PSEN2: variants seen among roughly 807,000 people sequenced by gnomAD.
PSEN2 encodes the protein presenilin-2.
A neutral mutation model predicts 49.1 loss-of-function variants in PSEN2; 32 were observed. That is an observed-to-expected ratio of 0.65 (90% confidence interval 0.49 to 0.88). PSEN2 has a LOEUF of 0.88. PSEN2 is among the 40% of genes least tolerant of loss of function. PSEN2 has a pLI of 0.00. For synonymous variants in PSEN2, 255 were observed against 244.0 expected (o/e 1.05, Z -0.42); for missense variants, 522 against 586.9 (o/e 0.89, Z 1.14).
chr1:226,902,196 C>T (rs1662340149), intron 12 of PSEN2, among the ~76,000 whole-genome samples: 4 of 152,138 alleles, frequency 2.6e-5, no homozygotes, highest in Admixed American at 2.6e-4. Context: ...CCACTTAGAT[C>T]CTTGGCGTGC....
chr1:226,884,745 C>G (rs1571953334), intron 5 of PSEN2: 1 of 151,776 alleles, frequency 6.6e-6, no homozygotes, highest in Non-Finnish European at 1.5e-5. Context: ...GAGACCCTGT[C>G]TGTACAAAAA....
chr1:226,871,520 A>G (rs997264080), intron 2 of PSEN2, 116 bp downstream of exon 2: 3 of 152,224 alleles, frequency 2.0e-5, no homozygotes, highest in Non-Finnish European at 2.9e-5. Flanking sequence ...TCCCTTTGAA[A>G]GGTATGAACG....
chr1:226,887,886 A>G (rs1010831753), intron 6 of PSEN2, among the ~76,000 whole-genome samples: 1 of 152,144 alleles, frequency 6.6e-6, no homozygotes, highest in Non-Finnish European at 1.5e-5. Flanking sequence ...TCCTGTCTGC[A>G]TGCGCTGCAG....
intron 11 of PSEN2, among the ~76,000 whole-genome samples, chr1:226,892,864 T>C (rs1481524069): frequency 6.6e-6 from 1 of 152,148 alleles, no homozygotes; most frequent in East Asian, 1.9e-4. Context: ...CCCCCTTAGG[T>C]TCAATAACTT....
At position 226,891,396 on chromosome 1, in the gene PSEN2, C is replaced by G. The variant is rs199833363; in HGVS notation, c.970+35C>G. 3 of 1,563,318 alleles carry G rather than the reference C, an allele frequency of 1.9e-6. No homozygotes were observed. In the African/African-American group the frequency reaches 4.1e-5, roughly 21 times the overall value. ...TTGGGGAGCTAACAGCCTCTCATCA[C>G]TGGGGGGCAGCTCCCTACCTGCACC... On this transcript the variant is annotated intron_variant, in intron 10 of 12. Transcript: ENST00000366783.
chr1:226,891,943 G>T lies in PSEN2; in HGVS notation c.1072+99G>T. The T allele has an allele frequency of 5.3e-6, 6 of 1,124,544 alleles. No individual in the cohort carries two copies. The South Asian group carries it at 7.5e-5, about 14-fold the overall frequency. 69.7% of individuals were successfully genotyped at this position (1,124,544 alleles called of 1,614,324 possible). The stretch of plus-strand genomic sequence containing the variant: ...AGCCTGGGTGGAGGAGGGCATGAGG[G>T]GAGGGGCCCCTTTTCCCATCAGAGG... On this transcript the variant is annotated intron_variant, in intron 11 of 12. Transcript: ENST00000366783.
intron 3 of PSEN2, among the ~76,000 whole-genome samples, chr1:226,878,755 C>G (rs1239129463): frequency 6.6e-6 from 1 of 152,142 alleles, no homozygotes; most frequent in African/African-American, 2.4e-5. Flanking sequence ...CATTCACACC[C>G]AAAACAAAAC....
At chr1:226,900,054 A>G (rs141201997), downstream of PSEN2, among the ~76,000 whole-genome samples, 2 of 152,338 alleles carry the variant, frequency 1.3e-5, no homozygotes, top group East Asian at 3.9e-4. Flanking sequence ...TGGTTTACCA[A>G]TGCAGATAAT....
rs1398354011 is a variant in PSEN2 at position 226,894,138 on chromosome 1, G to A, written c.1191+13G>A. On this transcript the variant is annotated intron_variant, in intron 12 of 12. Transcript: ENST00000366783. ...GGCCATCCTCATTGTGAGTGGCTGG[G>A]GATGCGTCCAGCTGCCTCGTGGTGG... The A allele has an allele frequency of 3.1e-6, 5 of 1,608,706 alleles. No homozygotes were observed. The highest frequency in any genetic ancestry group is 4.3e-6 in the Non-Finnish European group (5 of 1,175,232).
chr1:226,899,952 T>C (rs879660333), downstream of PSEN2, among the ~76,000 whole-genome samples: 7 of 152,210 alleles, frequency 4.6e-5, no homozygotes, highest in Non-Finnish European at 1.0e-4. Context: ...GCCATACCTG[T>C]CTGAGACTGA....
At chr1:226,889,634 G>A (rs1197082797) in intron 8 of PSEN2, among the ~76,000 whole-genome samples, 5 of 152,200 alleles carry the variant, frequency 3.3e-5, no homozygotes, top group African/African-American at 9.7e-5. Context: ...CACTGGACAC[G>A]CTGTAAGTGA....
intron 1 of PSEN2, 87 bp downstream of exon 1, chr1:226,870,736 C>A (rs1404250466): frequency 6.6e-6 from 1 of 152,162 alleles, no homozygotes; most frequent in Non-Finnish European, 1.5e-5. Flanking sequence ...GCCCTGAGGG[C>A]CCTGCCCTGC....
chr1:226,882,990 A>G (rs2102670478), intron 4 of PSEN2, among the ~76,000 whole-genome samples: 1 of 152,248 alleles, frequency 6.6e-6, no homozygotes, highest in South Asian at 2.1e-4. Context: ...TTAGCTGTTC[A>G]CCTCATTAGC....
At chr1:226,896,782 G>A (rs1662164945), downstream of PSEN2, among the ~76,000 whole-genome samples, 1 of 152,056 alleles carries the variant, frequency 6.6e-6, no homozygotes, top group South Asian at 2.1e-4. Context: ...GATCACTTAA[G>A]CCCAGGAGGC....
At chr1:226,883,975 T>TGGGGGTTGAGTGGCAGGGGGGG in intron 5 of PSEN2, 56 bp downstream of exon 5, 1 of 129,696 alleles carries the variant, frequency 7.7e-6, no homozygotes, top group Admixed American at 1.0e-4. Context: ...TGCCAGGGGG[T>TGGGGGTTGAGTGGCAGGGGGGG]GGGGGGCGCA....
chr1:226,885,987 C>CAGGTAGCTAGTGGGCTACTA (rs1661340185), intron 6 of PSEN2, among the ~76,000 whole-genome samples: 1 of 152,036 alleles, frequency 6.6e-6, no homozygotes, highest in Non-Finnish European at 1.5e-5. Flanking sequence ...CCACCCAGCC[C>CAGGTAGCTAGTGGGCTACTA]CTCAAGTAGC....
intron 9 of PSEN2, 80 bp downstream of exon 9, chr1:226,890,213 G>A (rs1385230654): frequency 1.8e-5 from 22 of 1,236,460 alleles, no homozygotes; most frequent in Admixed American, 1.2e-4. Context: ...CTTCCTGGCC[G>A]TGGCTTTCAG....
At chr1:226,902,461 G>T (rs1662348060) in intron 12 of PSEN2, among the ~76,000 whole-genome samples, 1 of 152,124 alleles carries the variant, frequency 6.6e-6, no homozygotes, top group African/African-American at 2.4e-5. Context: ...AGAGGAGGTA[G>T]GGAAGACCTC....
Position 226,885,555 on chromosome 1 carries a change from C to T in PSEN2, c.374C>T (p.Thr125Ile). ...KNGQLIYTPFTEDTPSVGQRL... is the reference protein window; with the variant it reads ...KNGQLIYTPFIEDTPSVGQRL... ...TCCCTCAGCATCTACACGCCATTCA[C>T]TGAGGACACACCCTCGGTGGGCCAG... Residue 125 changes from threonine (T) to isoleucine (I), a missense_variant, in exon 6 of 13, where the codon ACT (threonine) becomes ATT (isoleucine). Coordinates refer to ENST00000366783, the MANE Select transcript of PSEN2 (RefSeq NM_000447.3). The T allele has an allele frequency of 6.2e-7, 1 of 1,614,122 alleles. No homozygotes were observed. Among genetic ancestry groups the T allele is most frequent in the Non-Finnish European group, 8.5e-7 (1 of 1,180,026 alleles).
Sources: gnomAD v4.1 joint callset for allele counts (sites outside exome capture counted in the v4.1 genomes callset) on GRCh38, gnomAD v4.1.1 for gene constraint, MANE v1.5 for transcripts, NCBI Gene and HGNC (gene_info 2026-07-23, HGNC 2026-07-21) for gene names.